Variants in CLVS1 observed in about 807,000 individuals in gnomAD.
The protein encoded by CLVS1 is clavesin-1.
In CLVS1, 10 loss-of-function variants were observed where a neutral mutation model predicts 33.1. The ratio of observed to expected loss-of-function variants is 0.30; its 90% CI spans 0.19 to 0.51. CLVS1 has a LOEUF of 0.51. CLVS1 is among the 20% of genes least tolerant of loss of function. The probability of loss-of-function intolerance (pLI) is 0.97; values close to 1 mark genes in which losing one functional copy is unlikely to be tolerated. For missense variants in CLVS1, 343 were observed against 433.4 expected (o/e 0.79, Z 1.85); for synonymous variants, 163 against 166.1 (o/e 0.98, Z 0.14).
intron 1 of CLVS1, among the ~76,000 whole-genome samples, chr8:61,068,247 A>G (rs1169211198): frequency 6.8e-6 from 1 of 146,432 alleles, no homozygotes; most frequent in Admixed American, 6.8e-5. Context: ...ATATATATAT[A>G]TGTATATATA....
chr8:61,480,485 C>T (rs755314052), intron 5 of CLVS1, among the ~76,000 whole-genome samples: 4 of 152,152 alleles, frequency 2.6e-5, no homozygotes, highest in Non-Finnish European at 4.4e-5. Context: ...GTCTGTCACC[C>T]CTTTCTTTGA....
At chr8:60,967,232 C>CTTGGAA in the CLVS1 span, among the ~76,000 whole-genome samples, 2 of 152,134 alleles carry the variant, frequency 1.3e-5, no homozygotes, top group Non-Finnish European at 2.9e-5. Context: ...GTCCTTGTTA[C>CTTGGAA]CATGCAGATT....
chr8:61,034,005 G>T, the CLVS1 span, among the ~76,000 whole-genome samples: 49 of 152,282 alleles, frequency 3.2e-4, no homozygotes, highest in African/African-American at 7.9e-4. Flanking sequence ...AGATCTGCTT[G>T]ATCATCCACA....
the CLVS1 span, among the ~76,000 whole-genome samples, chr8:61,013,566 G>T: frequency 6.6e-6 from 1 of 152,158 alleles, no homozygotes; most frequent in African/African-American, 2.4e-5. Flanking sequence ...TTTTGAGTGG[G>T]GTGAAGCCTT....
upstream of CLVS1, among the ~76,000 whole-genome samples, chr8:61,284,718 G>C (rs1426958798): frequency 1.3e-5 from 2 of 152,142 alleles, no homozygotes. Context: ...AATACATTTT[G>C]CTCCCAAAAG....
rs112198092 is a variant in CLVS1 at position 61,101,218 on chromosome 8, G to A, written c.-242-30552G>A. ...TTATATTCTCACCAGTAGAATATGA[G>A]GATTTTAATTTATCCACATCTTCGC... On this transcript the variant is annotated intron_variant, in intron 1 of 2. Transcript: ENST00000522621. 8.0e-3 allele frequency among the ~76,000 whole-genome samples: 1,221 copies of A among 152,204 alleles called. 23 individuals are homozygous for A. Among genetic ancestry groups the A allele is most frequent in the African/African-American group, 0.026 (1,066 of 41,550 alleles).
chr8:61,214,133 A>G (rs748446644), intron 2 of CLVS1, among the ~76,000 whole-genome samples: 2 of 152,292 alleles, frequency 1.3e-5, no homozygotes, highest in Non-Finnish European at 2.9e-5. Flanking sequence ...TCTCCTGATA[A>G]GATGTTATCA....
chr8:61,266,827 T>G (rs1809315524), intron 2 of CLVS1, among the ~76,000 whole-genome samples: 1 of 152,246 alleles, frequency 6.6e-6, no homozygotes, highest in South Asian at 2.1e-4. Context: ...TGGCTCATGA[T>G]AGATAGCTAA....
intron 3 of CLVS1, among the ~76,000 whole-genome samples, chr8:61,395,713 G>A (rs1462626561): frequency 6.6e-6 from 1 of 152,106 alleles, no homozygotes; most frequent in Non-Finnish European, 1.5e-5. Context: ...ATTCCCATGT[G>A]ATGATGCTAA....
chr8:61,184,097 C>G (rs556273607), intron 2 of CLVS1, among the ~76,000 whole-genome samples: 1 of 152,146 alleles, frequency 6.6e-6, no homozygotes, highest in African/African-American at 2.4e-5. Context: ...ATGCCAGAAC[C>G]TACTTGACCC....
intron 2 of CLVS1, among the ~76,000 whole-genome samples, chr8:61,152,911 A>G (rs1436969078): frequency 6.6e-6 from 1 of 152,122 alleles, no homozygotes; most frequent in African/African-American, 2.4e-5. Context: ...GCAGTGCCTC[A>G]CACCTGTAAT....
chr8:61,363,914 G>C (rs573862971), intron 2 of CLVS1, among the ~76,000 whole-genome samples: 1 of 152,238 alleles, frequency 6.6e-6, no homozygotes, highest in Non-Finnish European at 1.5e-5. Flanking sequence ...GGGTGTGTCT[G>C]TGGGCCCTTC....
chr8:61,029,737 A>G, the CLVS1 span, among the ~76,000 whole-genome samples: 1 of 152,086 alleles, frequency 6.6e-6, no homozygotes, highest in Non-Finnish European at 1.5e-5. Context: ...TCCTAATGCT[A>G]TCCCTCCCCT....
chr8:61,434,116 C>T (rs1160306091), intron 3 of CLVS1, among the ~76,000 whole-genome samples: 1 of 152,014 alleles, frequency 6.6e-6, no homozygotes, highest in East Asian at 1.9e-4. Flanking sequence ...TTAATCTCTT[C>T]CAGGGAATTA....
chr8:61,092,681 G>A (rs1235812748), intron 1 of CLVS1, among the ~76,000 whole-genome samples: 1 of 152,202 alleles, frequency 6.6e-6, no homozygotes, highest in African/African-American at 2.4e-5. Context: ...ATCACTCAGA[G>A]ACGGATTCTT....
chr8:61,454,529 T>C (rs567601775), intron 4 of CLVS1, among the ~76,000 whole-genome samples: 1 of 152,344 alleles, frequency 6.6e-6, no homozygotes, highest in East Asian at 1.9e-4. Flanking sequence ...CATGTTACTG[T>C]AAATTCTTAT....
At chr8:61,193,015 A>C (rs1353918244) in intron 2 of CLVS1, among the ~76,000 whole-genome samples, 1 of 152,216 alleles carries the variant, frequency 6.6e-6, no homozygotes, top group Non-Finnish European at 1.5e-5. Context: ...CCATCCTATT[A>C]CTGGGTATAT....
chr8:61,018,072 G>C, the CLVS1 span, among the ~76,000 whole-genome samples: 2 of 152,222 alleles, frequency 1.3e-5, no homozygotes, highest in Non-Finnish European at 2.9e-5. Flanking sequence ...TATTGACTGT[G>C]AGTCAGGCAG....
intron 3 of CLVS1, among the ~76,000 whole-genome samples, chr8:61,430,737 C>A (rs146368865): frequency 6.6e-6 from 1 of 152,200 alleles, no homozygotes; most frequent in African/African-American, 2.4e-5. Context: ...TTATGCTGTG[C>A]CCTAATCTCA....
Sources: gnomAD v4.1 joint callset for allele counts (sites outside exome capture counted in the v4.1 genomes callset) on GRCh38, gnomAD v4.1.1 for gene constraint, MANE v1.5 for transcripts, NCBI Gene and HGNC (gene_info 2026-07-23, HGNC 2026-07-21) for gene names.